UPF1: variants seen among roughly 807,000 people sequenced by gnomAD.
The protein encoded by UPF1 is regulator of nonsense transcripts 1.
Under a neutral mutation model 129.2 loss-of-function variants are expected in UPF1, and 9 were observed. The observed-to-expected ratio is 0.07, with a 90% CI of 0.04 to 0.12. The LOEUF (loss-of-function observed/expected upper bound fraction) is 0.12, where lower values mean the gene tolerates loss of function less well. Among genes scored for constraint, UPF1 ranks in the 10% least tolerant of loss-of-function variants. The pLI is 1.00. For missense variants in UPF1, 788 were observed against 1,525.3 expected, an observed-to-expected ratio of 0.52 and a Z score of 8.05; for synonymous variants, 649 against 644.9, an observed-to-expected ratio of 1.01 and a Z score of -0.10.
chr19:18,841,297 C>T (rs1356264234), intron 1 of UPF1, among the ~76,000 whole-genome samples: 2 of 152,082 alleles, frequency 1.3e-5, no homozygotes, highest in East Asian at 3.9e-4. Context: ...TGTGTCCTTT[C>T]ACCTTTGTGT....
At position 18,865,031 on chromosome 19, in the gene UPF1, G is replaced by T. The variant is rs763972036; in HGVS notation, c.2858-258G>T. ...ATTATAGGCTTGAGCCAACACGCCC[G>T]GCCCCAATTTTCAGTTTTTAAGATC... is the stretch of plus-strand genomic sequence containing the variant. On this transcript the variant is annotated intron_variant, in intron 20 of 23. Coordinates refer to ENST00000262803, the MANE Select transcript of UPF1 (RefSeq NM_002911.4). The surrounding 1 kb of genome is among the most constrained non-coding windows in gnomAD (Gnocchi z 6.1). Among the ~76,000 whole-genome samples the T allele has an allele frequency of 2.0e-5, 3 of 152,184 alleles. No individual in the cohort carries two copies. Among genetic ancestry groups the T allele is most frequent in the Non-Finnish European group, 4.4e-5 (3 of 68,034 alleles).
Position 18,865,260 on chromosome 19 carries a change from C to A in UPF1, c.2858-29C>A. On this transcript the variant is annotated intron_variant, in intron 20 of 23. Transcript: ENST00000262803. This position sits in a 1 kb window ranked among gnomAD's most constrained non-coding sequence, Gnocchi z 6.1. ...GCTGGGGTTTGACCGAGGCAGGTGA[C>A]ACCTGCCGTGTTCCACTGTGATTTG... The A allele has an allele frequency of 6.3e-7, 1 of 1,583,374 alleles. No homozygotes were observed. Among genetic ancestry groups the A allele is most frequent in the Non-Finnish European group, 8.6e-7 (1 of 1,158,572 alleles).
At chr19:18,855,703 C>A in intron 11 of UPF1, 1 of 610,808 alleles carries the variant, frequency 1.6e-6, no homozygotes, top group Non-Finnish European at 2.8e-6. Context: ...CAGAAATTAG[C>A]TGGGGGTAGT....
chr19:18,840,583 G>A (rs1027799303), intron 1 of UPF1, among the ~76,000 whole-genome samples: 2 of 152,182 alleles, frequency 1.3e-5, no homozygotes, highest in African/African-American at 2.4e-5. Context: ...GAGAAGGGCC[G>A]TGACACCCAG....
At chr19:18,844,303 G>T (rs117843432) in intron 1 of UPF1, among the ~76,000 whole-genome samples, 3 of 149,948 alleles carry the variant, frequency 2.0e-5, no homozygotes, top group Non-Finnish European at 3.0e-5. Context: ...GGGGGCCGGG[G>T]GGGGGTTTGG....
In UPF1 at chr19:18,853,050, A is replaced by C. The variant is rs771827689; in HGVS notation, c.1036A>C (p.Thr346Pro). 6 of 1,614,040 alleles carry C rather than the reference A, an allele frequency of 3.7e-6. No homozygotes were observed. Among genetic ancestry groups the C allele is most frequent in the Non-Finnish European group, 5.1e-6 (6 of 1,180,036 alleles). Residue 346 changes from threonine to proline, a missense_variant, in exon 7 of 24, where the codon ACT becomes CCT. Thr to Pro is a conservative substitution (Grantham distance 38). Transcript: ENST00000262803. The surrounding 1 kb of genome is among the most constrained non-coding windows in gnomAD (Gnocchi z 4.4). ...GLNKKRIAYF[T>P]LPKTDSDMRL... Reference sequence around the variant, plus strand: ...TAACAAGAAGAGAATCGCCTACTTCACTTTGCCCAAGACTGACTCTGGTAA... The same window carrying C: ...TAACAAGAAGAGAATCGCCTACTTCCCTTTGCCCAAGACTGACTCTGGTAA...
chr19:18,845,833 GAA>G (rs956367113), intron 1 of UPF1, 145 bp from the exon 2 acceptor site: 22 of 1,289,656 alleles, frequency 1.7e-5, no homozygotes, highest in Non-Finnish European at 2.2e-5. Flanking sequence ...GTTTGCTAGA[GAA>G]GAGTGAAATC....
At position 18,850,954 on chromosome 19, in the gene UPF1, G is replaced by C; in HGVS notation, c.810+86G>C. ...GTGTCTTCAGAGACGGCTTGACCCA[G>C]TGAGACCGCTGGAGATTCTCTGAAA... On this transcript the variant is annotated intron_variant, in intron 5 of 23. Coordinates refer to ENST00000262803, the MANE Select transcript of UPF1 (RefSeq NM_002911.4). The surrounding 1 kb of genome is among the most constrained non-coding windows in gnomAD (Gnocchi z 7.1). 1 of 1,411,910 alleles carries C rather than the reference G, an allele frequency of 7.1e-7. No individual in the cohort carries two copies. The highest frequency in any genetic ancestry group is 1.5e-5 in the South Asian group (1 of 66,910). 87.5% of individuals were successfully genotyped at this position (1,411,910 alleles called of 1,614,324 possible).
At position 18,843,403 on chromosome 19, in the gene UPF1, G is replaced by A. The variant is rs553289765; in HGVS notation, c.232-2577G>A. On this transcript the variant is annotated intron_variant, in intron 1 of 23. Coordinates refer to ENST00000262803, the MANE Select transcript of UPF1 (RefSeq NM_002911.4). Reference sequence around the variant, plus strand: ...GGTGCTGGCAAATGCAGACAGTGGTGCAAATGTTGGAGTAGATGTCTGCGG... The same window carrying A: ...GGTGCTGGCAAATGCAGACAGTGGTACAAATGTTGGAGTAGATGTCTGCGG... 3.3e-5 allele frequency among the ~76,000 whole-genome samples: 5 copies of A among 152,302 alleles called. No homozygotes were observed. The South Asian group carries it at 1.0e-3, about 32-fold the overall frequency.
At chr19:18,857,278 A>AC in intron 14 of UPF1, 42 bp from the exon 15 acceptor site, 1 of 1,581,964 alleles carries the variant, frequency 6.3e-7, no homozygotes, top group Non-Finnish European at 8.6e-7. Flanking sequence ...AGGCTGATTC[A>AC]CACCTGAGCT....
Position 18,863,693 on chromosome 19 carries a change from G to C in UPF1, c.2775+81G>C, listed in dbSNP as rs992036235. The C allele has an allele frequency of 2.0e-6, 3 of 1,486,080 alleles. No individual in the cohort carries two copies. In the African/African-American group the frequency reaches 4.2e-5, roughly 21 times the overall value. The allele number at this position is 1,486,080 out of a possible 1,614,324, so 92.1% of individuals were successfully genotyped here. ...TGCTGGGAACGTGCCAGCTTGGCCC[G>C]TGTGCCCGTGAGCTGAGGGAGGGCT... On this transcript the variant is annotated intron_variant, in intron 19 of 23. Transcript: ENST00000262803.
rs918185291 is a variant in UPF1, at chr19:18,866,180, G to C, written c.*3+14G>C. The C allele has an allele frequency of 6.4e-7, 1 of 1,574,428 alleles. No individual in the cohort carries two copies. Among genetic ancestry groups the C allele is most frequent in the African/African-American group, 1.4e-5 (1 of 73,738 alleles). ...CAGTATTAAAAGGCAAGCCCCCCTG[G>C]AGCAGGCCTGGCCCCACCCCAGCCT... On this transcript the variant is annotated intron_variant, in intron 23 of 23. Coordinates refer to ENST00000262803, the MANE Select transcript of UPF1 (RefSeq NM_002911.4).
intron 10 of UPF1, 22 bp downstream of exon 10, chr19:18,855,060 C>A: frequency 6.2e-7 from 1 of 1,613,026 alleles, no homozygotes; most frequent in Non-Finnish European, 8.5e-7. Context: ...CCTCAGCGCG[C>A]GGGGCCTCGC....
chr19:18,836,398 C>T (rs1386735039), intron 1 of UPF1, among the ~76,000 whole-genome samples: 1 of 152,184 alleles, frequency 6.6e-6, no homozygotes, highest in East Asian at 1.9e-4. Flanking sequence ...ATACCTGCAA[C>T]AACATGGATG....
intron 20 of UPF1, 105 bp downstream of exon 20, chr19:18,864,356 A>C: frequency 1.0e-5 from 11 of 1,051,572 alleles, no homozygotes; most frequent in Non-Finnish European, 1.1e-5. Context: ...CCTTCCCCTC[A>C]AGGGCGGTGC....
rs867681347 is a variant in UPF1, at chr19:18,850,420, C to T, written c.629+178C>T. On this transcript the variant is annotated intron_variant, in intron 4 of 23. Transcript: ENST00000262803. This position sits in a 1 kb window ranked among gnomAD's most constrained non-coding sequence, Gnocchi z 7.1. ...TAGGCGCTGAGGCTTGTTAAGGAGTCGGCAGTGCCGTGTAACTCTTTTGGG... is the reference window on the plus strand; with the variant it reads ...TAGGCGCTGAGGCTTGTTAAGGAGTTGGCAGTGCCGTGTAACTCTTTTGGG... Among the ~76,000 whole-genome samples the T allele has an allele frequency of 5.3e-5, 8 of 152,200 alleles. No homozygotes were observed. The highest frequency in any genetic ancestry group is 1.0e-4 in the Non-Finnish European group (7 of 68,032).
At chr19:18,852,414 C>A (rs533905727) in intron 6 of UPF1, 118 bp downstream of exon 6, 29 of 1,441,056 alleles carry the variant, frequency 2.0e-5, no homozygotes, top group Non-Finnish European at 2.4e-5. Context: ...GCTGCAGCCG[C>A]GACACCTGAG....
chr19:18,865,436 A>G lies in UPF1; in HGVS notation c.3005A>G (p.Asn1002Ser), dbSNP rs749947265. Residue 1002 changes from asparagine (N) to serine (S), a missense_variant, in exon 21 of 24, where the codon AAC (asparagine) becomes AGC (serine). By Grantham distance (46) the Asn-to-Ser change is conservative. Transcript: ENST00000262803. This position sits in a 1 kb window ranked among gnomAD's most constrained non-coding sequence, Gnocchi z 6.1. ...CCGCCTGGCTATTTTGGACAAGCCA[A>G]CGGGCCTGCTGCAGGTGAGCATCTG... ...MPPPGYFGQA[N>S]GPAAGRGTPK... is the part of the protein sequence containing the mutation. The G allele has an allele frequency of 4.3e-6, 7 of 1,613,614 alleles. No homozygotes were observed. The highest frequency in any genetic ancestry group is 1.3e-5 in the African/African-American group (1 of 75,070).
chr19:18,855,400 C>T (rs1231041528), intron 11 of UPF1, 158 bp downstream of exon 11: 17 of 773,204 alleles, frequency 2.2e-5, no homozygotes, highest in Non-Finnish European at 3.0e-5. Flanking sequence ...TGACATTATT[C>T]GTGTCAGCTC....
Sources: gnomAD v4.1 joint callset for allele counts (sites outside exome capture counted in the v4.1 genomes callset) on GRCh38, gnomAD v4.1.1 for gene constraint, Gnocchi (gnomAD v3.1) non-coding constraint, MANE v1.5 for transcripts, NCBI Gene and HGNC (gene_info 2026-07-23, HGNC 2026-07-21) for gene names.